The following RARB variants were observed in gnomAD, a reference collection of about 807,000 sequenced individuals.
RARB encodes retinoic acid receptor beta.
In RARB, 17 loss-of-function variants were observed where a neutral mutation model predicts 51.9. The ratio of observed to expected loss-of-function variants is 0.33; its 90% CI spans 0.22 to 0.49. RARB has a LOEUF of 0.49. Among genes scored for constraint, RARB ranks in the 20% least tolerant of loss-of-function variants. The probability of loss-of-function intolerance (pLI) is 0.99; values close to 1 mark genes in which losing one functional copy is unlikely to be tolerated. For synonymous variants in RARB, 215 were observed against 195.4 expected, an observed-to-expected ratio of 1.10 and a Z score of -0.84; for missense variants, 369 against 550.8, an observed-to-expected ratio of 0.67 and a Z score of 3.30.
intron 3 of RARB, among the ~76,000 whole-genome samples, chr3:25,098,076 A>G (rs1443274290): frequency 1.3e-5 from 2 of 151,738 alleles, no homozygotes; most frequent in African/African-American, 4.9e-5. Context: ...GCAGAAAAAT[A>G]TACACACACA....
chr3:25,166,995 A>G (rs1037946805), intron 4 of RARB, among the ~76,000 whole-genome samples: 17 of 152,176 alleles, frequency 1.1e-4, no homozygotes, highest in Admixed American at 7.2e-4. Flanking sequence ...GTCAAATCTC[A>G]GTTTTTTATT....
intron 2 of RARB, among the ~76,000 whole-genome samples, chr3:25,468,372 CTTTTTTTTTTTT>C (rs34870919): frequency 1.2e-5 from 1 of 81,710 alleles, no homozygotes; most frequent in Admixed American, 1.4e-4. Context: ...GGCATTTGGG[CTTTTTTTTTTTT>C]TTTTTTTTTT....
At chr3:25,275,125 G>C (rs889095024) in intron 5 of RARB, among the ~76,000 whole-genome samples, 2 of 152,210 alleles carry the variant, frequency 1.3e-5, no homozygotes, top group African/African-American at 4.8e-5. Context: ...CTCAGTCATA[G>C]TGGTGACCAC....
At chr3:25,200,053 G>A (rs1701350976) in intron 5 of RARB, among the ~76,000 whole-genome samples, 2 of 152,114 alleles carry the variant, frequency 1.3e-5, no homozygotes, top group Admixed American at 1.3e-4. Flanking sequence ...CTAGTTTACA[G>A]TCCCACCAGC....
intron 4 of RARB, among the ~76,000 whole-genome samples, chr3:25,570,497 G>C (rs770631210): frequency 3.9e-5 from 6 of 152,208 alleles, no homozygotes; most frequent in Non-Finnish European, 7.3e-5. Context: ...CCCATGCCCA[G>C]TTGAGTGAAT....
chr3:25,261,200 T>C (rs931304270), intron 5 of RARB, among the ~76,000 whole-genome samples: 3 of 152,166 alleles, frequency 2.0e-5, no homozygotes, highest in African/African-American at 7.2e-5. Flanking sequence ...GTCATCATTA[T>C]TGTAGTTAGA....
At chr3:25,402,678 T>C (rs532757841) in intron 5 of RARB, among the ~76,000 whole-genome samples, 271 of 152,260 alleles carry the variant, frequency 1.8e-3, no homozygotes, top group Middle Eastern at 3.4e-3. Flanking sequence ...TGAAGGACAT[T>C]ATGTTAAGTG....
intron 2 of RARB, among the ~76,000 whole-genome samples, chr3:24,916,151 T>C (rs1695101724): frequency 6.6e-6 from 1 of 152,082 alleles, no homozygotes; most frequent in Non-Finnish European, 1.5e-5. Flanking sequence ...ATGTCTGAGC[T>C]GGAAAAAAGA....
chr3:25,578,403 C>T lies in RARB; in HGVS notation c.610-2143C>T, dbSNP rs368057226. On this transcript the variant is annotated intron_variant, in intron 4 of 7. Transcript: ENST00000330688. ...GTACGACAGGCTCCTCTCTCTCAGC[C>T]CTGGCGCGTGATAAAGTTACCTCAT... is the stretch of plus-strand genomic sequence containing the variant. Among the ~76,000 whole-genome samples, 381 of 152,308 alleles carry T rather than the reference C, an allele frequency of 2.5e-3. 13 individuals carry two copies. The South Asian group carries it at 0.077, about 31-fold the overall frequency.
intron 3 of RARB, among the ~76,000 whole-genome samples, chr3:25,540,487 A>T (rs1699330317): frequency 6.6e-6 from 1 of 152,142 alleles, no homozygotes; most frequent in African/African-American, 2.4e-5. Flanking sequence ...TGTTATTTTT[A>T]ACTTCCGCCC....
intron 2 of RARB, among the ~76,000 whole-genome samples, chr3:25,493,667 T>C (rs1263931193): frequency 1.3e-5 from 2 of 152,248 alleles, no homozygotes; most frequent in African/African-American, 4.8e-5. Context: ...CCTTTTGAAC[T>C]TTGCATGGGA....
At chr3:25,100,805 C>T (rs62230273) in intron 3 of RARB, among the ~76,000 whole-genome samples, 2 of 152,112 alleles carry the variant, frequency 1.3e-5, no homozygotes, top group Non-Finnish European at 2.9e-5. Context: ...GGGTTATATA[C>T]CAAGATTTAA....
At chr3:24,931,592 G>C (rs1185207475) in intron 2 of RARB, among the ~76,000 whole-genome samples, 1 of 152,092 alleles carries the variant, frequency 6.6e-6, no homozygotes, top group Non-Finnish European at 1.5e-5. Context: ...ATATAATGCA[G>C]AGTACAGCAA....
intron 3 of RARB, among the ~76,000 whole-genome samples, chr3:25,520,595 A>G (rs1239370093): frequency 2.0e-5 from 3 of 152,208 alleles, no homozygotes; most frequent in East Asian, 3.8e-4. Context: ...TGAATAAATG[A>G]GCTTGCTTTT....
At chr3:25,402,636 C>T (rs556676748) in intron 5 of RARB, among the ~76,000 whole-genome samples, 21 of 152,300 alleles carry the variant, frequency 1.4e-4, no homozygotes, top group Non-Finnish European at 1.9e-4. Flanking sequence ...AAAAGAATGA[C>T]ATCCTGACAT....
chr3:25,083,016 T>C (rs1409891967), intron 3 of RARB, among the ~76,000 whole-genome samples: 2 of 152,080 alleles, frequency 1.3e-5, no homozygotes, highest in Non-Finnish European at 2.9e-5. Context: ...GCCTGTATTA[T>C]TGCTAATAAA....
At chr3:25,095,641 A>G (rs1465499259) in intron 3 of RARB, among the ~76,000 whole-genome samples, 1 of 152,172 alleles carries the variant, frequency 6.6e-6, no homozygotes, top group Non-Finnish European at 1.5e-5. Flanking sequence ...TGAAAGATGG[A>G]TTTCCTGGTG....
At position 25,233,919 on chromosome 3, in the gene RARB, G is replaced by C. The variant is rs568986745; in HGVS notation, c.178+59344G>C. The stretch of plus-strand genomic sequence containing the variant: ...ATGTTGAGCTATCCTTGTGTCCCCA[G>C]AATAAACTCCCAATTTTCTGATATA... On this transcript the variant is annotated intron_variant, in intron 5 of 11. Transcript: ENST00000383772. Among the ~76,000 whole-genome samples the C allele has an allele frequency of 2.6e-5, 4 of 151,956 alleles. No individual in the cohort carries two copies. The East Asian group carries it at 7.7e-4, about 29-fold the overall frequency.
At chr3:25,371,676 C>T (rs1207747568) in intron 5 of RARB, among the ~76,000 whole-genome samples, 2 of 152,204 alleles carry the variant, frequency 1.3e-5, no homozygotes, top group African/African-American at 2.4e-5. Context: ...TGTGGGTGTT[C>T]CTTATTAGGC....
Sources: gnomAD v4.1 joint callset for allele counts (sites outside exome capture counted in the v4.1 genomes callset) on GRCh38, gnomAD v4.1.1 for gene constraint, MANE v1.5 for transcripts, NCBI Gene and HGNC (gene_info 2026-07-23, HGNC 2026-07-21) for gene names.